Variants in CACNB2 observed in about 807,000 individuals in gnomAD.
CACNB2 encodes the protein voltage-dependent L-type calcium channel subunit beta-2.
In CACNB2, 42 loss-of-function variants were observed where a neutral mutation model predicts 73.3. That is an observed-to-expected ratio of 0.57 (90% CI 0.45 to 0.74). CACNB2 has a LOEUF of 0.74. Ranked by LOEUF, CACNB2 falls within the 30% of genes least tolerant of loss-of-function variation. CACNB2 has a pLI of 0.00. For synonymous variants in CACNB2, 348 were observed against 310.3 expected (o/e 1.12, Z -1.28); for missense variants, 940 against 853.0 (o/e 1.10, Z -1.27).
chr10:18,253,804 G>A (rs948842877), intron 2 of CACNB2, among the ~76,000 whole-genome samples: 9 of 152,158 alleles, frequency 5.9e-5, no homozygotes, highest in East Asian at 1.9e-4. Flanking sequence ...CATTGCCCCC[G>A]ACTCTGGAGC....
At chr10:18,517,702 G>A (rs774661072) in intron 7 of CACNB2, among the ~76,000 whole-genome samples, 1 of 152,128 alleles carries the variant, frequency 6.6e-6, no homozygotes, top group Non-Finnish European at 1.5e-5. Flanking sequence ...TAATCACTAA[G>A]CTGTGAGCAG....
chr10:18,140,956 C>A, intron 1 of CACNB2, 100 bp downstream of exon 1: 1 of 1,523,534 alleles, frequency 6.6e-7, no homozygotes. Flanking sequence ...TCTCTAGCCT[C>A]GCACCTCCTC....
In CACNB2 at chr10:18,540,788, G is replaced by C. The variant is rs1412530646; in HGVS notation, c.*1064G>C. The C allele has an allele frequency of 2.0e-5, 3 of 152,632 alleles. No individual in the cohort carries two copies. The highest frequency in any genetic ancestry group is 4.4e-5 in the Non-Finnish European group (3 of 68,038). The allele number at this position is 152,632 out of a possible 1,614,324, so 9.5% of individuals were successfully genotyped here. A position where few individuals can be genotyped will look rare whatever the true frequency, so the allele number is the denominator to read the frequency against. ...GGTTGAGATGAATTGGAATGCTGAA[G>C]ACTAACGAAGAAACTAGAGACTGAT... On this transcript the variant is annotated 3_prime_UTR_variant, in exon 14 of 14. Transcript: ENST00000324631.
intron 9 of CACNB2, among the ~76,000 whole-genome samples, chr10:18,524,746 T>G (rs2052291336): frequency 6.6e-6 from 1 of 150,538 alleles, no homozygotes; most frequent in South Asian, 2.1e-4. Context: ...TATAGTAGGC[T>G]GGGTGCAGCA....
rs139575915 is a variant in CACNB2, at chr10:18,506,732, G to A, written c.670+185G>A. On this transcript the variant is annotated intron_variant, in intron 6 of 13. Transcript: ENST00000324631. ...TATGGGGAAATGTTTTTTTCTGGCT[G>A]GAAAAAGAAGTATGTCAAAGTGTTT... Among the ~76,000 whole-genome samples, 620 of 152,248 alleles carry A rather than the reference G, an allele frequency of 4.1e-3. 2 individuals carry two copies. The highest frequency in any genetic ancestry group is 0.014 in the African/African-American group (583 of 41,538).
chr10:18,498,585 G>C, intron 4 of CACNB2, 108 bp downstream of exon 4: 1 of 1,087,006 alleles, frequency 9.2e-7, no homozygotes, highest in South Asian at 1.3e-5. Flanking sequence ...GCACATCGCT[G>C]CAGTTGTATA....
intron 2 of CACNB2, among the ~76,000 whole-genome samples, chr10:18,367,001 A>T (rs2042381356): frequency 6.6e-6 from 1 of 152,172 alleles, no homozygotes; most frequent in Non-Finnish European, 1.5e-5. Context: ...CTTCCTATGA[A>T]AGGATTTCTT....
intron 2 of CACNB2, among the ~76,000 whole-genome samples, chr10:18,374,980 A>T (rs1188277005): frequency 6.6e-6 from 1 of 152,168 alleles, no homozygotes; most frequent in Non-Finnish European, 1.5e-5. Flanking sequence ...ATTTAGCCTA[A>T]GGAGAAAGTT....
At chr10:18,448,990 G>A (rs1447829012) in intron 3 of CACNB2, among the ~76,000 whole-genome samples, 1 of 152,194 alleles carries the variant, frequency 6.6e-6, no homozygotes, top group African/African-American at 2.4e-5. Context: ...ATCTAGGAAG[G>A]TGTCTGTAAG....
intron 2 of CACNB2, among the ~76,000 whole-genome samples, chr10:18,218,208 G>A (rs1191387919): frequency 1.3e-5 from 2 of 152,192 alleles, no homozygotes; most frequent in African/African-American, 4.8e-5. Context: ...CATTGTTTGT[G>A]AGAATTGGTC....
rs1554779378 is a variant in CACNB2 at position 18,259,570 on chromosome 10, A to AAAAAAAAAAAAGAAAAC, written c.213+108600_213+108601insAAAAAAGAAAACAAAAA. Among the ~76,000 whole-genome samples, 67 of 116,978 alleles carry AAAAAAAAAAAAGAAAAC rather than the reference A, an allele frequency of 5.7e-4. 6 individuals are homozygous for AAAAAAAAAAAAGAAAAC. Among genetic ancestry groups the AAAAAAAAAAAAGAAAAC allele is most frequent in the African/African-American group, 7.0e-4 (21 of 29,930 alleles). 76.7% of individuals were successfully genotyped at this position (116,978 alleles called of 152,430 possible). ...AAAAAAAACAAAAAACAAACAAAAA[A>AAAAAAAAAAAAGAAAAC]AAAAAGTAAAAGTAGCCAGGCATGG... On this transcript the variant is annotated intron_variant, in intron 2 of 13. Transcript: ENST00000324631.
intron 3 of CACNB2, among the ~76,000 whole-genome samples, chr10:18,483,221 T>A (rs1333144052): frequency 6.6e-6 from 1 of 151,688 alleles, no homozygotes; most frequent in Admixed American, 6.6e-5. Context: ...AGCTCAATCA[T>A]TTTCGTTTAA....
intron 2 of CACNB2, among the ~76,000 whole-genome samples, chr10:18,312,064 C>G (rs1437538675): frequency 6.6e-6 from 1 of 152,140 alleles, no homozygotes; most frequent in East Asian, 1.9e-4. Flanking sequence ...ATATTTGATG[C>G]TTCTTATCTT....
chr10:18,518,781 C>A, intron 8 of CACNB2, 129 bp from the exon 9 acceptor site: 1 of 810,450 alleles, frequency 1.2e-6, no homozygotes, highest in Non-Finnish European at 2.1e-6. Flanking sequence ...AATGCGGCAA[C>A]CTCATATTGC....
intron 3 of CACNB2, among the ~76,000 whole-genome samples, chr10:18,478,919 C>T (rs909598858): frequency 6.6e-6 from 1 of 152,014 alleles, no homozygotes; most frequent in Non-Finnish European, 1.5e-5. Context: ...GACCTTGAGG[C>T]GGCTTCTTCA....
intron 2 of CACNB2, among the ~76,000 whole-genome samples, chr10:18,335,690 A>G (rs7098794): frequency 6.6e-6 from 1 of 151,716 alleles, no homozygotes; most frequent in East Asian, 1.9e-4. Context: ...TGATGCATAC[A>G]TTTTTTCCTT....
At chr10:18,162,382 GA>G (rs568326290) in intron 2 of CACNB2, among the ~76,000 whole-genome samples, 99 of 146,718 alleles carry the variant, frequency 6.7e-4, no homozygotes, top group African/African-American at 1.8e-3. Context: ...TACTTGTCAG[GA>G]AAAAAAAAAA....
intron 1 of CACNB2, 111 bp downstream of exon 1, chr10:18,140,967 C>A: frequency 6.6e-7 from 1 of 1,518,820 alleles, no homozygotes; most frequent in Admixed American, 2.1e-5. Flanking sequence ...GCACCTCCTC[C>A]CCTCGTCGCC....
chr10:18,433,328 C>A lies in CACNB2; in HGVS notation c.333+31285C>A, dbSNP rs188481123. Among the ~76,000 whole-genome samples the A allele has an allele frequency of 2.6e-3, 398 of 152,192 alleles. 4 individuals are homozygous for A. The highest frequency in any genetic ancestry group is 0.019 in the South Asian group (91 of 4,814). On this transcript the variant is annotated intron_variant, in intron 3 of 13. Coordinates refer to ENST00000324631, the MANE Select transcript of CACNB2 (RefSeq NM_201596.3). ...AACTGGATCAGCGACCACAAAAAAA[C>A]CAGTTTCTCTTTTATAAAGCCAGGC...
Sources: allele counts gnomAD v4.1 joint callset (sites outside exome capture counted in the v4.1 genomes callset), GRCh38; gene constraint gnomAD v4.1.1; transcripts MANE v1.5; gene names NCBI Gene and HGNC (gene_info 2026-07-23, HGNC 2026-07-21).